The following PUDP variants were observed in gnomAD, a reference collection of about 807,000 sequenced individuals.
The protein encoded by PUDP is pseudouridine-5'-phosphatase.
A neutral mutation model predicts 9.4 loss-of-function variants in PUDP; 8 were observed. The ratio of observed to expected loss-of-function variants is 0.85; its 90% confidence interval spans 0.50 to 1.53. PUDP has a LOEUF of 1.53. Among genes scored for constraint, PUDP ranks in the 40% most tolerant of loss-of-function variants. PUDP has a pLI of 0.00. For synonymous variants in PUDP, 99 were observed against 80.7 expected (o/e 1.23, Z -1.22); for missense variants, 188 against 189.7 (o/e 0.99, Z 0.05).
At chrX:6,959,235 C>T (rs367546806) in intron 3 of PUDP, among the ~76,000 whole-genome samples, 3 of 111,653 alleles carry the variant, frequency 2.7e-5, no homozygotes, top group South Asian at 3.8e-4. Context: ...CCTCCCATCA[C>T]AGGCCCAGAG....
chrX:6,860,187 G>A (rs1926975437), intron 3 of PUDP, among the ~76,000 whole-genome samples: 1 of 111,330 alleles, frequency 9.0e-6, no homozygotes, highest in Non-Finnish European at 1.9e-5. Context: ...TTGCTATGTT[G>A]CCCAGGCTGA....
At chrX:6,983,204 C>T (rs888587804) in intron 1 of PUDP, among the ~76,000 whole-genome samples, 12 of 111,566 alleles carry the variant, frequency 1.1e-4, no homozygotes, top group East Asian at 2.8e-4. Context: ...TGCGGGAGAA[C>T]GGAGTTTTAT....
At chrX:6,788,138 G>A (rs1224792438) in intron 3 of PUDP, among the ~76,000 whole-genome samples, 1 of 111,979 alleles carries the variant, frequency 8.9e-6, no homozygotes, top group Non-Finnish European at 1.9e-5. Flanking sequence ...AAAGCGAGAT[G>A]CATTCAGTAG....
intron 1 of PUDP, among the ~76,000 whole-genome samples, chrX:7,111,590 G>A (rs1446885952): frequency 1.8e-5 from 2 of 111,239 alleles, no homozygotes; most frequent in East Asian, 2.8e-4. Flanking sequence ...GTGGTCTTTC[G>A]GGAAACCCCA....
intron 3 of PUDP, among the ~76,000 whole-genome samples, chrX:6,957,268 G>A (rs1928641663): frequency 9.0e-6 from 1 of 110,975 alleles, no homozygotes; most frequent in South Asian, 3.9e-4. Context: ...AATCCCTGAT[G>A]CAACAGGTTT....
At chrX:7,059,520 G>C (rs973762009) in intron 3 of PUDP, among the ~76,000 whole-genome samples, 12 of 111,819 alleles carry the variant, frequency 1.1e-4, no homozygotes, top group African/African-American at 3.9e-4. Flanking sequence ...CTCATGATCC[G>C]CAAGTGTGAC....
chrX:6,938,782 CTTTCTTT>C (rs1928352279), intron 3 of PUDP, among the ~76,000 whole-genome samples: 2 of 90,191 alleles, frequency 2.2e-5, no homozygotes, highest in South Asian at 5.3e-4. Flanking sequence ...TCTTTTCTTT[CTTTCTTT>C]TTTTTTTTTT....
At chrX:6,988,695 C>G (rs1352494878) in intron 1 of PUDP, among the ~76,000 whole-genome samples, 1 of 110,936 alleles carries the variant, frequency 9.0e-6, no homozygotes, top group Non-Finnish European at 1.9e-5. Context: ...TTTCTTCAGA[C>G]CCCCAATAAA....
intron 2 of PUDP, among the ~76,000 whole-genome samples, chrX:7,098,517 C>T (rs1337454578): frequency 1.8e-5 from 2 of 111,615 alleles, no homozygotes; most frequent in African/African-American, 6.5e-5. Context: ...AATTAAGTTT[C>T]AACACTAGAT....
chrX:6,787,744 T>A (rs776474184), intron 3 of PUDP, among the ~76,000 whole-genome samples: 2 of 112,345 alleles, frequency 1.8e-5, no homozygotes, highest in African/African-American at 3.2e-5. Context: ...AAATACTAAT[T>A]GACTTTTATA....
At chrX:6,836,426 G>T (rs760020114) in intron 3 of PUDP, among the ~76,000 whole-genome samples, 1 of 112,170 alleles carries the variant, frequency 8.9e-6, no homozygotes, top group Non-Finnish European at 1.9e-5. Context: ...GCTGGAGGAA[G>T]GCATTTGTTT....
chrX:7,110,648 GA>G (rs1286162285), intron 1 of PUDP, among the ~76,000 whole-genome samples: 2 of 111,530 alleles, frequency 1.8e-5, no homozygotes, highest in Non-Finnish European at 3.8e-5. Context: ...GGTACAGGCA[GA>G]CTGAGTCCGA....
intron 3 of PUDP, among the ~76,000 whole-genome samples, chrX:6,736,251 A>G (rs1924871279): frequency 8.9e-6 from 1 of 111,787 alleles, no homozygotes; most frequent in Non-Finnish European, 1.9e-5. Flanking sequence ...TTTGTATTAT[A>G]CTGAGGGAAG....
intron 3 of PUDP, among the ~76,000 whole-genome samples, chrX:6,848,027 C>T (rs1484974614): frequency 3.6e-5 from 4 of 112,046 alleles, no homozygotes; most frequent in African/African-American, 1.3e-4. Flanking sequence ...GTTTAGGAGT[C>T]GGGTCTGAAT....
intron 1 of PUDP, among the ~76,000 whole-genome samples, chrX:7,000,026 C>A (rs192157927): frequency 9.2e-6 from 1 of 108,934 alleles, no homozygotes; most frequent in African/African-American, 3.3e-5. Flanking sequence ...AGGGAAGGAA[C>A]AACGGATTAA....
At chrX:7,138,875 C>G (rs1932772152) in intron 1 of PUDP, among the ~76,000 whole-genome samples, 1 of 97,067 alleles carries the variant, frequency 1.0e-5, no homozygotes, top group African/African-American at 3.9e-5. Flanking sequence ...TTCTCACCTC[C>G]ACACTTCAAT....
chrX:6,788,141 T>C lies in PUDP; in HGVS notation c.*248-81675A>G, dbSNP rs750338494. On this transcript the variant is annotated intron_variant and NMD_transcript_variant, in intron 3 of 3. Transcript: ENST00000655425. The stretch of plus-strand genomic sequence containing the variant: ...TACTGTGGTGCAAAAGCGAGATGCA[T>C]TCAGTAGAAGCCATACCTTGAGCAC... Among the ~76,000 whole-genome samples, 11 of 112,162 alleles carry C rather than the reference T, an allele frequency of 9.8e-5. No homozygotes were observed. In the East Asian group the frequency reaches 2.8e-3, roughly 29 times the overall value.
At chrX:6,955,746 T>C (rs1188606757) in intron 3 of PUDP, among the ~76,000 whole-genome samples, 1 of 111,894 alleles carries the variant, frequency 8.9e-6, no homozygotes, top group Non-Finnish European at 1.9e-5. Context: ...GAGGATCCTA[T>C]GCTTTTATTT....
chrX:6,987,719 G>A (rs1444149145), intron 1 of PUDP, among the ~76,000 whole-genome samples: 1 of 112,060 alleles, frequency 8.9e-6, no homozygotes, highest in African/African-American at 3.2e-5. Flanking sequence ...TGCTGCAGCT[G>A]CAGAATTGAG....
Sources: gnomAD v4.1 joint callset for allele counts (sites outside exome capture counted in the v4.1 genomes callset) on GRCh38, gnomAD v4.1.1 for gene constraint, MANE v1.5 for transcripts, NCBI Gene and HGNC (gene_info 2026-07-23, HGNC 2026-07-21) for gene names.